Variants in NIBAN1 observed in about 807,000 individuals in gnomAD.
NIBAN1 encodes the protein niban apoptosis regulator 1, also known as protein Niban 1.
Under a neutral mutation model 75.1 loss-of-function variants are expected in NIBAN1, and 81 were observed. The ratio of observed to expected loss-of-function variants is 1.08; its 90% CI spans 0.90 to 1.30. The LOEUF (loss-of-function observed/expected upper bound fraction) is 1.30, where lower values mean the gene tolerates loss of function less well. Ranked by LOEUF, NIBAN1 falls within the 50% of genes most tolerant of loss-of-function variation. NIBAN1 has a pLI of 0.00. For synonymous variants in NIBAN1, 436 were observed against 424.8 expected (o/e 1.03, Z -0.32); for missense variants, 1,133 against 1,128.1 (o/e 1.00, Z -0.06).
intron 1 of NIBAN1, among the ~76,000 whole-genome samples, chr1:184,940,477 G>A (rs1374641104): frequency 6.6e-6 from 1 of 152,046 alleles, no homozygotes; most frequent in Non-Finnish European, 1.5e-5. Flanking sequence ...AGCTTTGAGT[G>A]GCTTTAAAAT....
chr1:184,905,640 T>C (rs528872399), intron 1 of NIBAN1, among the ~76,000 whole-genome samples: 1 of 152,216 alleles, frequency 6.6e-6, no homozygotes, highest in East Asian at 1.9e-4. Context: ...CAAGCCCACA[T>C]GACAGTCCCA....
chr1:184,933,793 T>C (rs1266274188), intron 1 of NIBAN1, among the ~76,000 whole-genome samples: 88 of 152,366 alleles, frequency 5.8e-4, no homozygotes, highest in Non-Finnish European at 4.9e-4. Flanking sequence ...CAGTCTAACA[T>C]AAGTTTCAAC....
chr1:184,826,663 G>A (rs566171930), intron 6 of NIBAN1, among the ~76,000 whole-genome samples: 1 of 152,308 alleles, frequency 6.6e-6, no homozygotes, highest in East Asian at 1.9e-4. Flanking sequence ...TAGCATAAGT[G>A]TGAAATGGGT....
chr1:184,808,209 C>T lies in NIBAN1; in HGVS notation c.1200G>A (p.Pro400=), dbSNP rs375947873. Residue 400 remains proline, a synonymous_variant, in exon 10 of 14, where the codon CCG becomes CCA. Transcript: ENST00000367511. The part of the protein sequence containing the change: ...KEHLDRLMNL[P]LHSVKMEPCY... ...AAGGTTCCATCTTCACGGAATGCAG[C>T]GGAAGATTCATAAGCCGGTCTAGAT... 19 of 1,613,856 alleles carry T rather than the reference C, an allele frequency of 1.2e-5. No individual in the cohort carries two copies. The highest frequency in any genetic ancestry group is 2.7e-5 in the African/African-American group (2 of 74,876).
intron 5 of NIBAN1, among the ~76,000 whole-genome samples, chr1:184,844,555 G>C (rs1414340882): frequency 6.6e-6 from 1 of 152,184 alleles, no homozygotes; most frequent in Non-Finnish European, 1.5e-5. Context: ...AATCGAAGAA[G>C]TTTATGTCAT....
At chr1:184,915,683 G>C (rs1657367732) in intron 1 of NIBAN1, among the ~76,000 whole-genome samples, 1 of 152,168 alleles carries the variant, frequency 6.6e-6, no homozygotes, top group South Asian at 2.1e-4. Context: ...TCTAGTGAAG[G>C]AACTTAGAAT....
At chr1:184,813,746 C>T (rs1654448150) in intron 9 of NIBAN1, among the ~76,000 whole-genome samples, 1 of 152,190 alleles carries the variant, frequency 6.6e-6, no homozygotes, top group Admixed American at 6.5e-5. Context: ...TTTGAAGGTG[C>T]TTCATAAGCT....
chr1:184,950,135 C>G (rs1484809257), intron 1 of NIBAN1, among the ~76,000 whole-genome samples: 1 of 152,080 alleles, frequency 6.6e-6, no homozygotes, highest in East Asian at 1.9e-4. Context: ...AACCCCAACC[C>G]AAATGAATGC....
chr1:184,823,574 A>C (rs1215611731), intron 7 of NIBAN1, 64 bp downstream of exon 7: 12 of 1,558,182 alleles, frequency 7.7e-6, no homozygotes, highest in Non-Finnish European at 9.7e-6. Context: ...AATGCCCTAA[A>C]AGAAAAGGGA....
Position 184,795,868 on chromosome 1 carries a change from G to T in NIBAN1, c.1896C>A (p.Ser632Arg). ...SEEEKQPEVP[S>R]SLAKGESLSL... is the part of the protein sequence containing the mutation. Reference sequence around the variant, plus strand: ...AAAGGCTTTCTCCTTTGGCCAACGAGCTAGGGACCTCAGGCTGCTTCTCTT... The same window carrying T: ...AAAGGCTTTCTCCTTTGGCCAACGATCTAGGGACCTCAGGCTGCTTCTCTT... The change falls in exon 14 of 14, where the codon AGC (serine) becomes AGA (arginine). Residue 632 changes from serine (S) to arginine (R), a missense_variant. Coordinates refer to ENST00000367511, the MANE Select transcript of NIBAN1 (RefSeq NM_052966.4). 2 of 1,612,854 alleles carry T rather than the reference G, an allele frequency of 1.2e-6. No individual in the cohort carries two copies. Among genetic ancestry groups the T allele is most frequent in the African/African-American group, 1.3e-5 (1 of 75,006 alleles).
rs1654764976 is a variant in NIBAN1 at position 184,823,650 on chromosome 1, C to G, written c.810G>C (p.Arg270Ser). 1.2e-6 allele frequency: 2 copies of G among 1,614,064 alleles called. No individual in the cohort carries two copies. Among genetic ancestry groups the G allele is most frequent in the African/African-American group, 2.7e-5 (2 of 74,942 alleles). ...KMKGKKNDRK[R>S]TWLGLLEEAY... ...AACCATTGCTTACACCAAGCCACGT[C>G]CTCTTTCTGTCATTCTTCTTCCCCT... Residue 270 changes from arginine to serine, a missense_variant, in exon 7 of 14, where the codon AGG becomes AGC. By Grantham distance (110) the Arg-to-Ser change is moderately radical (BLOSUM62 -1). Transcript: ENST00000367511.
At chr1:184,901,062 C>A (rs1656942116) in intron 1 of NIBAN1, among the ~76,000 whole-genome samples, 1 of 152,138 alleles carries the variant, frequency 6.6e-6, no homozygotes, top group Admixed American at 6.5e-5. Context: ...GAATCCATAG[C>A]AACCCGTTTC....
chr1:184,935,122 G>A (rs1657922212), intron 1 of NIBAN1, among the ~76,000 whole-genome samples: 1 of 150,692 alleles, frequency 6.6e-6, no homozygotes, highest in Non-Finnish European at 1.5e-5. Context: ...TTTAATAGCA[G>A]ACATTTTTTT....
At position 184,798,135 on chromosome 1, in the gene NIBAN1, A is replaced by G. The variant is rs777747666; in HGVS notation, c.1610T>C (p.Val537Ala). 1.9e-6 allele frequency: 3 copies of G among 1,612,110 alleles called. No individual in the cohort carries two copies. Among genetic ancestry groups the G allele is most frequent in the South Asian group, 1.1e-5 (1 of 90,976 alleles). ...IFADHTNMIHVENVYEEILHQ... is the reference protein window; with the variant it reads ...IFADHTNMIHAENVYEEILHQ... ...TAAAATCTCCTCATAGACATTTTCAACGTGAATCATATTGGTATGATCTGC... is the reference window on the plus strand; with the variant it reads ...TAAAATCTCCTCATAGACATTTTCAGCGTGAATCATATTGGTATGATCTGC... Residue 537 changes from valine (V) to alanine (A), a missense_variant, in exon 13 of 14, where the codon GTT (valine) becomes GCT (alanine). Transcript: ENST00000367511.
intron 5 of NIBAN1, among the ~76,000 whole-genome samples, chr1:184,861,915 C>G (rs1655827502): frequency 6.6e-6 from 1 of 152,096 alleles, no homozygotes. Flanking sequence ...GCCATCTTCC[C>G]CTGCACAGTG....
intron 1 of NIBAN1, among the ~76,000 whole-genome samples, chr1:184,936,610 T>A (rs1657968517): frequency 1.3e-5 from 2 of 152,214 alleles, no homozygotes; most frequent in African/African-American, 4.8e-5. Flanking sequence ...CTCCACTCCT[T>A]GCCTATTCCA....
At chr1:184,962,634 A>T (rs2102082091) in intron 1 of NIBAN1, among the ~76,000 whole-genome samples, 1 of 152,316 alleles carries the variant, frequency 6.6e-6, no homozygotes, top group East Asian at 1.9e-4. Flanking sequence ...AACCTAAAAC[A>T]TCTTGACATA....
intron 1 of NIBAN1, among the ~76,000 whole-genome samples, chr1:184,918,153 C>T (rs1657442570): frequency 6.6e-6 from 1 of 152,188 alleles, no homozygotes; most frequent in African/African-American, 2.4e-5. Context: ...TGGGTGCCTG[C>T]AGTAGAAACC....
intron 2 of NIBAN1, 119 bp from the exon 3 acceptor site, chr1:184,894,325 G>A: frequency 8.9e-7 from 1 of 1,122,046 alleles, no homozygotes; most frequent in Non-Finnish European, 1.2e-6. Context: ...TGAGATCCTG[G>A]GGAAACTGTT....
Sources: allele counts gnomAD v4.1 joint callset (sites outside exome capture counted in the v4.1 genomes callset), GRCh38; gene constraint gnomAD v4.1.1; transcripts MANE v1.5; gene names NCBI Gene and HGNC (gene_info 2026-07-23, HGNC 2026-07-21).